The following EVA1B variants were observed in gnomAD, a reference collection of about 807,000 sequenced individuals.
EVA1B encodes eva-1 homolog B.
In EVA1B, 2 loss-of-function variants were observed where a neutral mutation model predicts 4.6. That is an observed-to-expected ratio of 0.43 (90% confidence interval 0.18 to 1.37). EVA1B has a LOEUF of 1.37. EVA1B is among the 40% of genes most tolerant of loss of function. EVA1B has a pLI of 0.28. For missense variants in EVA1B, 263 were observed against 240.4 expected (o/e 1.09, Z -0.62); for synonymous variants, 124 against 115.8 (o/e 1.07, Z -0.46).
chr1:36,322,255 T>G lies in EVA1B; in HGVS notation c.*40A>C, dbSNP rs200563173. 112 of 1,455,210 alleles carry G rather than the reference T, an allele frequency of 7.7e-5. No individual in the cohort carries two copies. The African/African-American group carries it at 1.5e-3, about 19-fold the overall frequency. 90.1% of individuals were successfully genotyped at this position (1,455,210 alleles called of 1,614,324 possible). A position where few individuals can be genotyped will look rare whatever the true frequency, so the allele number is the denominator to read the frequency against. ...GGGTAGCTCTGAGCTCATGTGCAGG[T>G]CCGGTACCCCGAGCGCCTTGCAGCG... On this transcript the variant is annotated 3_prime_UTR_variant, in exon 3 of 3. Coordinates refer to ENST00000490466, the MANE Select transcript of EVA1B (RefSeq NM_001304762.2).
intron 1 of EVA1B, 77 bp from the exon 2 acceptor site, chr1:36,323,144 C>T: frequency 1.6e-6 from 2 of 1,259,292 alleles, no homozygotes; most frequent in African/African-American, 3.1e-5. Flanking sequence ...GCTCCTCTCC[C>T]GGGAGCCGCG....
chr1:36,323,988 G>A (rs1344628327), upstream of EVA1B: 2 of 152,234 alleles, frequency 1.3e-5, no homozygotes, highest in Non-Finnish European at 2.9e-5. Context: ...TACCAAAACC[G>A]TCAGGATTTG....
In EVA1B at chr1:36,322,325, C is replaced by T. The variant is rs756789034; in HGVS notation, c.468G>A (p.Thr156=). The T allele has an allele frequency of 5.8e-6, 9 of 1,561,694 alleles. No individual in the cohort carries two copies. The highest frequency in any genetic ancestry group is 1.8e-5 in the Admixed American group (1 of 54,516). ...TGTLGPSPTA[T]GTLGRMHYY is the part of the protein sequence containing the mutation. The stretch of plus-strand genomic sequence containing the variant: ...AATAGTGCATGCGGCCCAGGGTGCC[C>T]GTGGCCGTGGGGCTGGGCCCCAGCG... Residue 156 remains threonine (T), a synonymous_variant, in exon 3 of 3, where the codon ACG becomes ACA. Coordinates refer to ENST00000490466, the MANE Select transcript of EVA1B (RefSeq NM_001304762.2).
intron 2 of EVA1B, 112 bp from the exon 3 acceptor site, chr1:36,322,837 A>G: frequency 1.3e-6 from 2 of 1,492,866 alleles, no homozygotes; most frequent in Admixed American, 1.8e-5. Flanking sequence ...CCCCTACTCG[A>G]AGGGCATTAG....
At chr1:36,322,751 G>C (rs536998405) in intron 2 of EVA1B, 26 bp from the exon 3 acceptor site, 1 of 1,541,490 alleles carries the variant, frequency 6.5e-7, no homozygotes, top group African/African-American at 1.4e-5. Context: ...CGGGGGTCAC[G>C]GAGAGGCCCG....
chr1:36,322,955 C>G lies in EVA1B; in HGVS notation c.67+16G>C. 6.2e-7 allele frequency: 1 copy of G among 1,606,508 alleles called. No homozygotes were observed. Among genetic ancestry groups the G allele is most frequent in the Non-Finnish European group, 8.5e-7 (1 of 1,177,126 alleles). Reference sequence around the variant, plus strand: ...GGAAGGGTTCAGGCCCCCAGTCTTCCGGCGCCCGCCCTCACCGCGGATGTG... The same window carrying G: ...GGAAGGGTTCAGGCCCCCAGTCTTCGGGCGCCCGCCCTCACCGCGGATGTG... On this transcript the variant is annotated intron_variant, in intron 2 of 2. Coordinates refer to ENST00000490466, the MANE Select transcript of EVA1B (RefSeq NM_001304762.2).
In EVA1B at chr1:36,322,286, C is replaced by T; in HGVS notation, c.*9G>A. On this transcript the variant is annotated 3_prime_UTR_variant, in exon 3 of 3. Coordinates refer to ENST00000490466, the MANE Select transcript of EVA1B (RefSeq NM_001304762.2). ...ACCCCGAGCGCCTTGCAGCGGGAGC[C>T]GGGGCCCATCAGTAATAGTGCATGC... The T allele has an allele frequency of 1.3e-6, 2 of 1,496,876 alleles. No individual in the cohort carries two copies. The highest frequency in any genetic ancestry group is 1.8e-6 in the Non-Finnish European group (2 of 1,129,918). 92.7% of individuals were successfully genotyped at this position (1,496,876 alleles called of 1,614,324 possible).
Position 36,322,744 on chromosome 1 carries a change from G to C in EVA1B, c.68-19C>G. The C allele has an allele frequency of 6.5e-7, 1 of 1,543,980 alleles. No individual in the cohort carries two copies. The highest frequency in any genetic ancestry group is 8.7e-7 in the Non-Finnish European group (1 of 1,145,710). On this transcript the variant is annotated intron_variant, in intron 2 of 2. Transcript: ENST00000490466. ...GGGTTGGCTGCGGGGCACAGGGCGGGGGTCACGGAGAGGCCCGGACGGGTG... is the reference window on the plus strand; with the variant it reads ...GGGTTGGCTGCGGGGCACAGGGCGGCGGTCACGGAGAGGCCCGGACGGGTG...
chr1:36,324,025 C>T (rs976790541), upstream of EVA1B: 1 of 152,334 alleles, frequency 6.6e-6, no homozygotes, highest in Admixed American at 6.5e-5. Flanking sequence ...ATCCTAAAGC[C>T]TGAGCTAGAA....
At position 36,322,679 on chromosome 1, in the gene EVA1B, G is replaced by T; in HGVS notation, c.114C>A (p.Phe38Leu). 6.5e-7 allele frequency: 1 copy of T among 1,547,434 alleles called. No homozygotes were observed. The highest frequency in any genetic ancestry group is 8.7e-7 in the Non-Finnish European group (1 of 1,146,806). ...GCAGGCAGAGGGTGAGCAGCAGGCC[G>T]AAGCAGACGCCCAGCACGAAGTAGA... ...FGLYFVLGVC[F>L]GLLLTLCLLV... is the part of the protein sequence containing the mutation. Residue 38 changes from phenylalanine (F) to leucine (L), a missense_variant, in exon 3 of 3, where the codon TTC (phenylalanine) becomes TTA (leucine). Transcript: ENST00000490466.
chr1:36,322,424 C>T lies in EVA1B; in HGVS notation c.369G>A (p.Gln123=). Residue 123 remains glutamine, a synonymous_variant, in exon 3 of 3, where the codon CAG becomes CAA. Transcript: ENST00000490466. Reference sequence around the variant, plus strand: ...GGATCCGTTCGCGCTCCTCCAGCCGCTGCGCCCGCTCCAGCTCCTCCGCCG... The same window carrying T: ...GGATCCGTTCGCGCTCCTCCAGCCGTTGCGCCCGCTCCAGCTCCTCCGCCG... The part of the protein sequence containing the change: ...FTSAEELERA[Q]RLEERERILR... The T allele has an allele frequency of 6.2e-7, 1 of 1,602,770 alleles. No homozygotes were observed. The highest frequency in any genetic ancestry group is 8.5e-7 in the Non-Finnish European group (1 of 1,179,356).
At chr1:36,322,746 G>T in intron 2 of EVA1B, 21 bp from the exon 3 acceptor site, 1 of 1,543,874 alleles carries the variant, frequency 6.5e-7, no homozygotes. Context: ...CAGGGCGGGG[G>T]TCACGGAGAG....
At position 36,323,060 on chromosome 1, in the gene EVA1B, C is replaced by G. The variant is rs756195604; in HGVS notation, c.-23G>C. ...CATGCTGCTCTGGGGGGCAGCTCCC[C>G]TACCAGCCTGCGAGGTCAGCAAAGT... On this transcript the variant is annotated 5_prime_UTR_variant, in exon 2 of 3. Coordinates refer to ENST00000490466, the MANE Select transcript of EVA1B (RefSeq NM_001304762.2). 21 of 1,595,458 alleles carry G rather than the reference C, an allele frequency of 1.3e-5. No individual in the cohort carries two copies. The highest frequency in any genetic ancestry group is 1.8e-5 in the Non-Finnish European group (21 of 1,174,340).
chr1:36,322,409 G>A lies in EVA1B; in HGVS notation c.384C>T (p.Arg128=), dbSNP rs767623016. ...GCCAGATCTCCCGCAGGATCCGTTC[G>A]CGCTCCTCCAGCCGCTGCGCCCGCT... ...ELERAQRLEE[R]ERILREIWRT... The change falls in exon 3 of 3, where the codon CGC becomes CGT. Residue 128 remains arginine (R), a synonymous_variant. Coordinates refer to ENST00000490466, the MANE Select transcript of EVA1B (RefSeq NM_001304762.2). The A allele has an allele frequency of 6.2e-7, 1 of 1,600,710 alleles. No homozygotes were observed. Among genetic ancestry groups the A allele is most frequent in the Non-Finnish European group, 8.5e-7 (1 of 1,179,188 alleles).
chr1:36,322,430 C>G lies in EVA1B; in HGVS notation c.363G>C (p.Arg121=), dbSNP rs1040163248. 4 of 1,603,310 alleles carry G rather than the reference C, an allele frequency of 2.5e-6. No individual in the cohort carries two copies. In the African/African-American group the frequency reaches 5.3e-5, roughly 21 times the overall value. Reference sequence around the variant, plus strand: ...GTTCGCGCTCCTCCAGCCGCTGCGCCCGCTCCAGCTCCTCCGCCGACGTGA... The same window carrying G: ...GTTCGCGCTCCTCCAGCCGCTGCGCGCGCTCCAGCTCCTCCGCCGACGTGA... ...NVFTSAEELE[R]AQRLEERERI... The change falls in exon 3 of 3, where the codon CGG becomes CGC. Residue 121 remains arginine, a synonymous_variant. Coordinates refer to ENST00000490466, the MANE Select transcript of EVA1B (RefSeq NM_001304762.2).
rs1646506352 is a variant in EVA1B at position 36,323,595 on chromosome 1, G to T, written c.-167C>A. On this transcript the variant is annotated 5_prime_UTR_variant, in exon 1 of 3. Transcript: ENST00000490466. ...GCTCCCAGGCCGCGGCAGCACGGGC[G>T]GGACACGGACCGAGGGACCAGCCGG... is the stretch of plus-strand genomic sequence containing the variant. The T allele has an allele frequency of 1.3e-5, 2 of 152,172 alleles. No individual in the cohort carries two copies. Among genetic ancestry groups the T allele is most frequent in the South Asian group, 4.1e-4 (2 of 4,828 alleles). The allele number at this position is 152,172 out of a possible 1,614,324, so 9.4% of individuals were successfully genotyped here.
At chr1:36,323,826 CAG>C (rs1238883271), upstream of EVA1B, 2 of 152,282 alleles carry the variant, frequency 1.3e-5, no homozygotes, top group Non-Finnish European at 2.9e-5. Context: ...ACAGCAACAA[CAG>C]AGAGGCTGGA....
Position 36,322,746 on chromosome 1 carries a change from G to A in EVA1B, c.68-21C>T, listed in dbSNP as rs749050710. ...GTTGGCTGCGGGGCACAGGGCGGGG[G>A]TCACGGAGAGGCCCGGACGGGTGGG... On this transcript the variant is annotated intron_variant, in intron 2 of 2. Transcript: ENST00000490466. 3.2e-6 allele frequency: 5 copies of A among 1,543,876 alleles called. No individual in the cohort carries two copies. In the Admixed American group the frequency reaches 5.9e-5, roughly 18 times the overall value.
chr1:36,322,512 G>A lies in EVA1B; in HGVS notation c.281C>T (p.Thr94Met), dbSNP rs532193645. ...DTVTRLGPDDTLPGPELSAEP... is the reference protein window; with the variant it reads ...DTVTRLGPDDMLPGPELSAEP... ...TGCGGACAGCTCGGGGCCCGGCAGC[G>A]TGTCGTCGGGGCCCAGCCGAGTCAC... Residue 94 changes from threonine to methionine, a missense_variant, in exon 3 of 3, where the codon ACG becomes ATG. Physicochemically the swap from Thr to Met is moderately conservative, Grantham distance 81. Coordinates refer to ENST00000490466, the MANE Select transcript of EVA1B (RefSeq NM_001304762.2). 1.6e-5 allele frequency: 25 copies of A among 1,601,466 alleles called. No individual in the cohort carries two copies. In the East Asian group the frequency reaches 4.7e-4, roughly 30 times the overall value.
Sources: gnomAD v4.1 joint callset for allele counts on GRCh38, gnomAD v4.1.1 for gene constraint, MANE v1.5 for transcripts, NCBI Gene and HGNC (gene_info 2026-07-23, HGNC 2026-07-21) for gene names.